Variants in DTNB observed in about 807,000 individuals in gnomAD.
The protein encoded by DTNB is DTN-B.
In DTNB, 63 loss-of-function variants were observed where a neutral mutation model predicts 90.7. The ratio of observed to expected loss-of-function variants is 0.69; its 90% CI spans 0.57 to 0.86. DTNB has a LOEUF of 0.86. Among genes scored for constraint, DTNB ranks in the 40% least tolerant of loss-of-function variants. DTNB has a pLI of 0.00. For synonymous variants in DTNB, 277 were observed against 286.7 expected, an observed-to-expected ratio of 0.97 and a Z score of 0.34; for missense variants, 744 against 807.1, an observed-to-expected ratio of 0.92 and a Z score of 0.95.
chr2:25,447,926 A>T (rs979988080), intron 12 of DTNB, among the ~76,000 whole-genome samples: 1 of 152,162 alleles, frequency 6.6e-6, no homozygotes. Flanking sequence ...TGCCACACAA[A>T]TTCCTGACAA....
intron 14 of DTNB, among the ~76,000 whole-genome samples, chr2:25,428,546 G>A (rs2052684848): frequency 6.6e-6 from 1 of 151,036 alleles, no homozygotes; most frequent in Admixed American, 6.6e-5. Flanking sequence ...TGATTCTCCT[G>A]CCTCAGCCTC....
At chr2:25,379,664 C>T in intron 19 of DTNB, 1 of 287,028 alleles carries the variant, frequency 3.5e-6, no homozygotes, top group East Asian at 5.7e-5. Context: ...ATGACTGCGC[C>T]TTGAGTGAGG....
chr2:25,423,485 G>A (rs1186943463), intron 15 of DTNB, among the ~76,000 whole-genome samples: 2 of 152,142 alleles, frequency 1.3e-5, no homozygotes, highest in Non-Finnish European at 2.9e-5. Context: ...GCAGCAGAAT[G>A]AAAGAACTCT....
At chr2:25,537,225 G>A (rs1477247220) in intron 8 of DTNB, among the ~76,000 whole-genome samples, 1 of 151,860 alleles carries the variant, frequency 6.6e-6, no homozygotes, top group Non-Finnish European at 1.5e-5. Flanking sequence ...ACAAGTAGAT[G>A]CAATCAGAGG....
chr2:25,534,840 TC>T (rs2079063330), intron 8 of DTNB, among the ~76,000 whole-genome samples: 2 of 110,632 alleles, frequency 1.8e-5, no homozygotes, highest in Middle Eastern at 7.9e-3. Context: ...AGAGGTGCCC[TC>T]CACTTCCCAG....
At chr2:25,524,913 T>C (rs1382694789) in intron 9 of DTNB, among the ~76,000 whole-genome samples, 1 of 152,198 alleles carries the variant, frequency 6.6e-6, no homozygotes, top group Non-Finnish European at 1.5e-5. Context: ...CTATCCTGAA[T>C]ATGTAATATT....
chr2:25,419,564 C>T (rs1489547627), intron 15 of DTNB, 29 bp from the exon 16 acceptor site: 1 of 1,550,544 alleles, frequency 6.4e-7, no homozygotes, highest in Non-Finnish European at 8.7e-7. Context: ...AAAAAAAAGG[C>T]AGAGGAAAAA....
At chr2:25,537,958 G>C (rs973264980) in intron 8 of DTNB, among the ~76,000 whole-genome samples, 3 of 152,178 alleles carry the variant, frequency 2.0e-5, no homozygotes, top group African/African-American at 7.2e-5. Context: ...TGATTTAATG[G>C]AGAGGTCTTA....
intron 6 of DTNB, among the ~76,000 whole-genome samples, chr2:25,586,170 C>T (rs1002235915): frequency 2.0e-5 from 3 of 152,106 alleles, no homozygotes; most frequent in African/African-American, 7.2e-5. Context: ...AGAATTCAAA[C>T]CAAAATTACT....
chr2:25,665,613 A>T (rs1346729675), intron 1 of DTNB, among the ~76,000 whole-genome samples: 1 of 151,996 alleles, frequency 6.6e-6, no homozygotes, highest in Non-Finnish European at 1.5e-5. Flanking sequence ...ATGACAGAGC[A>T]AGACTCCGTC....
chr2:25,527,542 A>G (rs2077404424), intron 9 of DTNB, among the ~76,000 whole-genome samples: 1 of 152,148 alleles, frequency 6.6e-6, no homozygotes. Flanking sequence ...GAAAGAAAAA[A>G]TGCCATAAAT....
intron 4 of DTNB, among the ~76,000 whole-genome samples, chr2:25,619,032 C>T (rs1309806891): frequency 6.6e-6 from 1 of 152,046 alleles, no homozygotes; most frequent in Non-Finnish European, 1.5e-5. Context: ...GGAAATCATT[C>T]GTTTCAGTTC....
chr2:25,633,526 C>G (rs1186838866), intron 3 of DTNB, among the ~76,000 whole-genome samples: 1 of 152,090 alleles, frequency 6.6e-6, no homozygotes, highest in African/African-American at 2.4e-5. Context: ...ACCTCCACCT[C>G]CCAGCCGCCT....
At chr2:25,403,667 T>C (rs1227827018) in intron 16 of DTNB, among the ~76,000 whole-genome samples, 1 of 152,226 alleles carries the variant, frequency 6.6e-6, no homozygotes, top group Non-Finnish European at 1.5e-5. Flanking sequence ...TAAATGTTAC[T>C]TATGGGTAAG....
intron 1 of DTNB, among the ~76,000 whole-genome samples, chr2:25,656,698 T>A (rs1051900662): frequency 1.3e-5 from 2 of 152,214 alleles, no homozygotes; most frequent in African/African-American, 4.8e-5. Flanking sequence ...TGTCTTCCTA[T>A]GGTTCATCCT....
rs935210949 is a variant in DTNB at position 25,401,425 on chromosome 2, T to C, written c.1576-13064A>G. Among the ~76,000 whole-genome samples the C allele has an allele frequency of 5.3e-5, 8 of 152,270 alleles. No individual in the cohort carries two copies. The East Asian group carries it at 9.6e-4, about 18-fold the overall frequency. On this transcript the variant is annotated intron_variant, in intron 16 of 20. Transcript: ENST00000406818. ...GGACACGGGGATCCTTCACCAGCTC[T>C]GCATCTGAGCACAGAGGCAGGGACG...
chr2:25,398,730 TC>T (rs2042986000), intron 16 of DTNB, among the ~76,000 whole-genome samples: 1 of 152,066 alleles, frequency 6.6e-6, no homozygotes, highest in Non-Finnish European at 1.5e-5. Flanking sequence ...AGCACTACTC[TC>T]CCCCATGCTG....
At chr2:25,650,229 T>C in intron 2 of DTNB, 1 of 985,450 alleles carries the variant, frequency 1.0e-6, no homozygotes, top group Non-Finnish European at 1.2e-6. Flanking sequence ...GTTTGTGTAT[T>C]TGGTTTCCTA....
chr2:25,607,722 TACA>T (rs914514084), intron 4 of DTNB, among the ~76,000 whole-genome samples: 5 of 152,206 alleles, frequency 3.3e-5, no homozygotes, highest in Admixed American at 3.3e-4. Context: ...ATCAGGATAT[TACA>T]ACAATGGTTT....
Sources: allele counts gnomAD v4.1 joint callset (sites outside exome capture counted in the v4.1 genomes callset), GRCh38; gene constraint gnomAD v4.1.1; transcripts MANE v1.5; gene names NCBI Gene and HGNC (gene_info 2026-07-23, HGNC 2026-07-21).